The following CHODL variants were observed in gnomAD, a reference collection of about 807,000 sequenced individuals.
The protein encoded by CHODL is transmembrane protein MT75.
A neutral mutation model predicts 34.5 loss-of-function variants in CHODL; 29 were observed. That is an observed-to-expected ratio of 0.84 (90% CI 0.63 to 1.15). The LOEUF (loss-of-function observed/expected upper bound fraction) is 1.15, where lower values mean the gene tolerates loss of function less well. CHODL is among the 50% of genes most tolerant of loss of function. CHODL has a pLI of 0.00. For synonymous variants in CHODL, 125 were observed against 116.1 expected, an observed-to-expected ratio of 1.08 and a Z score of -0.49; for missense variants, 332 against 332.5, an observed-to-expected ratio of 1.00 and a Z score of 0.01.
chr21:18,083,599 A>G (rs1371034198), intron 2 of CHODL, among the ~76,000 whole-genome samples: 1 of 152,230 alleles, frequency 6.6e-6, no homozygotes, highest in African/African-American at 2.4e-5. Context: ...AGAGCTTCCC[A>G]AGACCATGAG....
At chr21:17,938,729 G>C (rs10854425) in intron 1 of CHODL, among the ~76,000 whole-genome samples, 152,246 of 152,246 alleles carry the variant, frequency 1, 76,123 homozygotes, top group Non-Finnish European at 1. Flanking sequence ...CTACCTGCCT[G>C]TGCCTCCCAA....
intron 1 of CHODL, among the ~76,000 whole-genome samples, chr21:17,918,399 C>T (rs1029912125): frequency 1.3e-5 from 2 of 151,664 alleles, no homozygotes; most frequent in African/African-American, 2.4e-5. Context: ...TTTCACATGG[C>T]GGGGGGTTGA....
At chr21:18,038,558 C>T (rs1205019411) in intron 2 of CHODL, among the ~76,000 whole-genome samples, 1 of 151,658 alleles carries the variant, frequency 6.6e-6, no homozygotes, top group Non-Finnish European at 1.5e-5. Context: ...TTTCCATTGA[C>T]AGTGACAAGT....
chr21:18,239,160 G>T (rs1310923343), intron 2 of CHODL, among the ~76,000 whole-genome samples: 1 of 151,998 alleles, frequency 6.6e-6, no homozygotes, highest in Non-Finnish European at 1.5e-5. Flanking sequence ...AGTTTCTTTG[G>T]AATGTAGAAT....
chr21:17,965,034 CTA>C (rs1232619880), intron 1 of CHODL, among the ~76,000 whole-genome samples: 1 of 152,188 alleles, frequency 6.6e-6, no homozygotes, highest in Admixed American at 6.5e-5. Context: ...TCAGAAAAGA[CTA>C]TTCATAATAT....
chr21:18,096,051 A>G (rs938505024), intron 2 of CHODL, among the ~76,000 whole-genome samples: 4 of 152,168 alleles, frequency 2.6e-5, no homozygotes, highest in African/African-American at 7.2e-5. Context: ...TTTCATGGAC[A>G]TTAATTAGTT....
chr21:18,217,924 C>T (rs1485866130), intron 2 of CHODL, among the ~76,000 whole-genome samples: 1 of 152,294 alleles, frequency 6.6e-6, no homozygotes, highest in African/African-American at 2.4e-5. Context: ...TCCTTTGACT[C>T]CATGTCCCAC....
chr21:17,963,036 C>G (rs1273710277), intron 1 of CHODL, among the ~76,000 whole-genome samples: 4 of 149,782 alleles, frequency 2.7e-5, no homozygotes, highest in African/African-American at 9.9e-5. Flanking sequence ...TGCACTCCAG[C>G]CTGAGTGAAA....
intron 2 of CHODL, among the ~76,000 whole-genome samples, chr21:18,155,086 A>G (rs2146633662): frequency 6.6e-6 from 1 of 152,306 alleles, no homozygotes; most frequent in South Asian, 2.1e-4. Context: ...ATTAGCTTAT[A>G]ATATAGGGTT....
chr21:18,106,501 C>CT (rs60995338), intron 2 of CHODL, among the ~76,000 whole-genome samples: 57,716 of 132,950 alleles, frequency 0.43, 12,700 homozygotes, highest in Non-Finnish European at 0.5. Context: ...TTTTCTTTTT[C>CT]TTTTTTTTTT....
At chr21:17,936,159 C>T (rs1003188871) in intron 1 of CHODL, among the ~76,000 whole-genome samples, 3 of 152,134 alleles carry the variant, frequency 2.0e-5, no homozygotes, top group African/African-American at 4.8e-5. Flanking sequence ...TACCTTATAA[C>T]ACTGGTTGGC....
chr21:18,135,832 G>A (rs1335928626), intron 2 of CHODL, among the ~76,000 whole-genome samples: 2 of 152,122 alleles, frequency 1.3e-5, no homozygotes, highest in Non-Finnish European at 2.9e-5. Context: ...TTTCTGGCCA[G>A]GCGCAGTGGC....
intron 1 of CHODL, among the ~76,000 whole-genome samples, chr21:17,929,880 GGCT>G (rs1436417984): frequency 6.6e-6 from 1 of 151,810 alleles, no homozygotes; most frequent in African/African-American, 2.4e-5. Context: ...TGTGTATCAC[GGCT>G]GCTGCTGCTG....
At chr21:18,265,383 A>G (rs552621615) in intron 5 of CHODL, among the ~76,000 whole-genome samples, 1 of 151,978 alleles carries the variant, frequency 6.6e-6, no homozygotes, top group African/African-American at 2.4e-5. Flanking sequence ...CGACCTGGGT[A>G]ATACTGGAGA....
At chr21:17,990,243 C>T (rs956906498) in intron 1 of CHODL, among the ~76,000 whole-genome samples, 36 of 152,118 alleles carry the variant, frequency 2.4e-4, no homozygotes, top group Non-Finnish European at 4.3e-4. Flanking sequence ...CCTCTCTTTG[C>T]TTTTCTCTCC....
intron 2 of CHODL, among the ~76,000 whole-genome samples, chr21:18,124,787 T>C (rs1366985736): frequency 6.6e-6 from 1 of 152,206 alleles, no homozygotes; most frequent in East Asian, 1.9e-4. Flanking sequence ...TAACAATAGC[T>C]GGTATTTACT....
chr21:18,266,885 A>C lies in CHODL; in HGVS notation c.*847A>C, dbSNP rs1019810140. The stretch of plus-strand genomic sequence containing the variant: ...TACACAATATAAATCATATGTCTTC[A>C]CACGTTGCCTATATAATGAGAAGCA... On this transcript the variant is annotated 3_prime_UTR_variant, in exon 6 of 6. Transcript: ENST00000299295. 4 of 152,550 alleles carry C rather than the reference A, an allele frequency of 2.6e-5. No individual in the cohort carries two copies. The highest frequency in any genetic ancestry group is 7.2e-5 in the African/African-American group (3 of 41,464). The allele number at this position is 152,550 out of a possible 1,614,324, so 9.4% of individuals were successfully genotyped here.
At chr21:18,096,263 G>C (rs1434201396) in intron 2 of CHODL, among the ~76,000 whole-genome samples, 1 of 152,052 alleles carries the variant, frequency 6.6e-6, no homozygotes. Flanking sequence ...TGTGTTATCT[G>C]TACAAATTGT....
chr21:18,258,075 T>C (rs1450332535), intron 3 of CHODL, among the ~76,000 whole-genome samples: 1 of 152,154 alleles, frequency 6.6e-6, no homozygotes, highest in Non-Finnish European at 1.5e-5. Flanking sequence ...TCCATTATTC[T>C]CCTGAAATTA....
Sources: gnomAD v4.1 joint callset for allele counts (sites outside exome capture counted in the v4.1 genomes callset) on GRCh38, gnomAD v4.1.1 for gene constraint, MANE v1.5 for transcripts, NCBI Gene and HGNC (gene_info 2026-07-23, HGNC 2026-07-21) for gene names.